NCKAP1: variants seen among roughly 807,000 people sequenced by gnomAD.
NCKAP1 encodes the protein nck-associated protein 1.
A neutral mutation model predicts 151.2 loss-of-function variants in NCKAP1; 21 were observed. The observed-to-expected ratio is 0.14, with a 90% CI of 0.10 to 0.20. NCKAP1 has a LOEUF of 0.20. Ranked by LOEUF, NCKAP1 falls within the 10% of genes least tolerant of loss-of-function variation. The pLI, the probability that NCKAP1 is intolerant of heterozygous loss-of-function variation, is 1.00. For synonymous variants in NCKAP1, 484 were observed against 451.8 expected, an observed-to-expected ratio of 1.07 and a Z score of -0.90; for missense variants, 933 against 1,352.1, an observed-to-expected ratio of 0.69 and a Z score of 4.86.
chr2:183,032,504 G>A (rs568173215), intron 1 of NCKAP1, among the ~76,000 whole-genome samples: 7 of 152,006 alleles, frequency 4.6e-5, no homozygotes, highest in East Asian at 3.9e-4. Context: ...CTACAAACCC[G>A]TACAATGAGA....
intron 10 of NCKAP1, among the ~76,000 whole-genome samples, chr2:182,984,724 G>A (rs1239130974): frequency 4.6e-5 from 7 of 151,984 alleles, no homozygotes; most frequent in Non-Finnish European, 8.8e-5. Flanking sequence ...TAAAGTCATC[G>A]TGTCATTTCC....
chr2:182,932,620 A>G (rs1696788273), intron 26 of NCKAP1, among the ~76,000 whole-genome samples: 1 of 152,102 alleles, frequency 6.6e-6, no homozygotes, highest in South Asian at 2.1e-4. Context: ...TAGGTGCGTT[A>G]TAACTCAATA....
chr2:182,982,851 G>A lies in NCKAP1; in HGVS notation c.1178C>T (p.Pro393Leu), dbSNP rs1697967759. The change falls in exon 12 of 31, where the codon CCA (proline) becomes CTA (leucine). Residue 393 changes from proline (P) to leucine (L), a missense_variant. Pro to Leu is a moderately conservative substitution (Grantham distance 98). Coordinates refer to ENST00000361354, the MANE Select transcript of NCKAP1 (RefSeq NM_013436.5). ...IWLLRHADNM[P>L]KKSADDFIDK... is the part of the protein sequence containing the mutation. The stretch of plus-strand genomic sequence containing the variant: ...TATAAAGTCGTCTGCACTCTTCTTT[G>A]GCATGTTATCTGCATGACGAAGTAG... 2 of 1,609,646 alleles carry A rather than the reference G, an allele frequency of 1.2e-6. No homozygotes were observed. The highest frequency in any genetic ancestry group is 1.7e-6 in the Non-Finnish European group (2 of 1,177,966).
intron 8 of NCKAP1, among the ~76,000 whole-genome samples, chr2:182,989,530 T>C (rs897751005): frequency 3.3e-5 from 5 of 152,166 alleles, no homozygotes; most frequent in African/African-American, 1.2e-4. Context: ...ATCATTACAG[T>C]TGTTATAATA....
intron 8 of NCKAP1, among the ~76,000 whole-genome samples, chr2:182,991,806 G>A (rs1032764921): frequency 6.6e-5 from 10 of 152,154 alleles, no homozygotes; most frequent in African/African-American, 2.2e-4. Flanking sequence ...CCAAAACTCT[G>A]GAGATAGGAA....
chr2:182,955,474 G>C (rs1285498761), intron 20 of NCKAP1, among the ~76,000 whole-genome samples: 1 of 152,064 alleles, frequency 6.6e-6, no homozygotes, highest in Non-Finnish European at 1.5e-5. Context: ...AAAGGTTTCT[G>C]ACTTATCAAT....
Position 183,002,678 on chromosome 2 carries a change from A to T in NCKAP1, c.369+296T>A, listed in dbSNP as rs576022235. Among the ~76,000 whole-genome samples, 5 of 152,170 alleles carry T rather than the reference A, an allele frequency of 3.3e-5. No individual in the cohort carries two copies. In the East Asian group the frequency reaches 7.7e-4, roughly 23 times the overall value. On this transcript the variant is annotated intron_variant, in intron 4 of 30. Coordinates refer to ENST00000361354, the MANE Select transcript of NCKAP1 (RefSeq NM_013436.5). ...TATCATACTAAGAAAGAGTCCATCA[A>T]GTATGCCTTTTACAGAGAAAATATT...
At chr2:183,025,612 T>C (rs1441090214) in intron 1 of NCKAP1, among the ~76,000 whole-genome samples, 2 of 152,196 alleles carry the variant, frequency 1.3e-5, no homozygotes, top group Non-Finnish European at 2.9e-5. Context: ...TACTACTATG[T>C]AAATTCCATT....
In NCKAP1 at chr2:182,976,954, G is replaced by A; in HGVS notation, c.1424-3C>T. On this transcript the variant is annotated splice_polypyrimidine_tract_variant and splice_region_variant and intron_variant, in intron 14 of 30. Transcript: ENST00000361354. ...ATCAAATACTTCCCCATCTTCAACT[G>A]TAGTAATAGAAAAAAAAAAAAGATT... 6.7e-7 allele frequency: 1 copy of A among 1,484,942 alleles called. No homozygotes were observed. Among genetic ancestry groups the A allele is most frequent in the Non-Finnish European group, 9.1e-7 (1 of 1,104,076 alleles). 92.0% of individuals were successfully genotyped at this position (1,484,942 alleles called of 1,614,324 possible).
In NCKAP1 at chr2:182,962,380, C is replaced by T. The variant is rs575552715; in HGVS notation, c.1762-102G>A. Reference sequence around the variant, plus strand: ...TGGAAAATTAGGCTAAAGGTACATTCCGCAATAGTGAGGGTGGGAGATGTT... The same window carrying T: ...TGGAAAATTAGGCTAAAGGTACATTTCGCAATAGTGAGGGTGGGAGATGTT... On this transcript the variant is annotated intron_variant, in intron 17 of 30. Transcript: ENST00000361354. 3.9e-5 allele frequency: 44 copies of T among 1,131,140 alleles called. No individual in the cohort carries two copies. In the South Asian group the frequency reaches 7.1e-4, roughly 18 times the overall value. 70.1% of individuals were successfully genotyped at this position (1,131,140 alleles called of 1,614,324 possible). A position where few individuals can be genotyped will look rare whatever the true frequency, so the allele number is the denominator to read the frequency against.
Position 183,020,242 on chromosome 2 carries a change from C to T in NCKAP1, c.219+3564G>A, listed in dbSNP as rs1022863676. Among the ~76,000 whole-genome samples the T allele has an allele frequency of 6.6e-5, 10 of 152,012 alleles. No homozygotes were observed. The East Asian group carries it at 1.5e-3, about 24-fold the overall frequency. On this transcript the variant is annotated intron_variant, in intron 2 of 30. Transcript: ENST00000361354. ...CTTTGGGAGGCCAATCTGGGAGGAT[C>T]ACTTGAGCCCAGAAGTTTGAGACCA...
intron 10 of NCKAP1, among the ~76,000 whole-genome samples, chr2:182,984,199 A>G (rs558753127): frequency 2.0e-5 from 3 of 152,308 alleles, no homozygotes; most frequent in South Asian, 2.1e-4. Flanking sequence ...TATAGTCAAT[A>G]AAGGTATTGG....
At chr2:182,938,012 T>C (rs529754580) in intron 24 of NCKAP1, among the ~76,000 whole-genome samples, 9 of 152,372 alleles carry the variant, frequency 5.9e-5, no homozygotes, top group Admixed American at 1.3e-4. Flanking sequence ...TGATTCCAAA[T>C]GACCCCGAGG....
intron 24 of NCKAP1, 71 bp downstream of exon 24, chr2:182,941,999 T>C: frequency 7.9e-7 from 1 of 1,264,388 alleles, no homozygotes; most frequent in Non-Finnish European, 1.1e-6. Flanking sequence ...ATGTTACAAA[T>C]TTTGAGCCAA....
intron 1 of NCKAP1, among the ~76,000 whole-genome samples, chr2:183,025,448 T>C (rs1698877571): frequency 6.6e-6 from 1 of 152,184 alleles, no homozygotes; most frequent in Admixed American, 6.5e-5. Flanking sequence ...CCTAACTTCC[T>C]ACCATGCCAA....
chr2:183,017,037 A>T (rs1470428022), intron 2 of NCKAP1, among the ~76,000 whole-genome samples: 1 of 152,164 alleles, frequency 6.6e-6, no homozygotes. Context: ...AAGGGGGGAA[A>T]CACAAAAGAG....
chr2:182,938,812 T>A (rs1696933625), intron 24 of NCKAP1, among the ~76,000 whole-genome samples: 1 of 152,074 alleles, frequency 6.6e-6, no homozygotes, highest in Non-Finnish European at 1.5e-5. Flanking sequence ...ATAAAATATG[T>A]AAAGCCAGGA....
intron 11 of NCKAP1, 28 bp downstream of exon 11, chr2:182,983,258 T>C: frequency 6.6e-7 from 1 of 1,508,534 alleles, no homozygotes; most frequent in Non-Finnish European, 9.1e-7. Context: ...TATGGCACAA[T>C]TATTGAAATA....
In NCKAP1 at chr2:182,928,187, T is replaced by C. The variant is rs1696686732; in HGVS notation, c.3110A>G (p.Asn1037Ser). The change falls in exon 29 of 31, where the codon AAC (asparagine) becomes AGC (serine). Residue 1037 changes from asparagine to serine, a missense_variant. By Grantham distance (46) the Asn-to-Ser change is conservative. This residue lies in a region of NCKAP1 where 326 missense variants were observed against 557.1 expected (regional missense o/e 0.59). Coordinates refer to ENST00000361354, the MANE Select transcript of NCKAP1 (RefSeq NM_013436.5). ...TGTAAACAAAGCTGCAGCAATCTGG[T>C]TGATGGCTTTGGCCAAGCAATGTAT... is the stretch of plus-strand genomic sequence containing the variant. ...NNIHCLAKAINQIAAALFTIH... is the reference protein window; with the variant it reads ...NNIHCLAKAISQIAAALFTIH... 6.2e-7 allele frequency: 1 copy of C among 1,612,850 alleles called. No individual in the cohort carries two copies. The highest frequency in any genetic ancestry group is 1.3e-5 in the African/African-American group (1 of 74,870).
Sources: allele counts gnomAD v4.1 joint callset (sites outside exome capture counted in the v4.1 genomes callset), GRCh38; gene constraint gnomAD v4.1.1; regional missense constraint gnomAD v4.1.1; transcripts MANE v1.5; gene names NCBI Gene and HGNC (gene_info 2026-07-23, HGNC 2026-07-21).